The following CSMD1 variants were observed in gnomAD, a reference collection of about 807,000 sequenced individuals.
The protein encoded by CSMD1 is CUB and sushi domain-containing protein 1.
CSMD1 carries 213 observed loss-of-function variants against 417.5 expected under a neutral mutation model. The observed-to-expected ratio is 0.51, with a 90% CI of 0.46 to 0.57. The LOEUF (loss-of-function observed/expected upper bound fraction) is 0.57, where lower values mean the gene tolerates loss of function less well. Ranked by LOEUF, CSMD1 falls within the 20% of genes least tolerant of loss-of-function variation. CSMD1 has a pLI of 0.00. For synonymous variants in CSMD1, 2,862 were observed against 1,736.8 expected (o/e 1.65, Z -16.11); for missense variants, 6,923 against 4,529.7 (o/e 1.53, Z -15.17).
chr8:4,757,864 C>A (rs10088354), intron 1 of CSMD1, among the ~76,000 whole-genome samples: 1,863 of 147,442 alleles, frequency 0.013, 28 homozygotes, highest in African/African-American at 0.044. Flanking sequence ...GAAGCTGAGG[C>A]AGAAGAATCG....
At chr8:4,895,450 T>C (rs1419952372) in intron 1 of CSMD1, among the ~76,000 whole-genome samples, 1 of 152,162 alleles carries the variant, frequency 6.6e-6, no homozygotes, top group Non-Finnish European at 1.5e-5. Flanking sequence ...ATATCAACAT[T>C]GTTATTCTGC....
intron 5 of CSMD1, among the ~76,000 whole-genome samples, chr8:3,923,124 T>G (rs1335583025): frequency 6.6e-6 from 1 of 152,084 alleles, no homozygotes; most frequent in African/African-American, 2.4e-5. Flanking sequence ...AACAACTCAT[T>G]AAAAGAGAGC....
chr8:4,222,050 AT>A (rs869074470), intron 3 of CSMD1, among the ~76,000 whole-genome samples: 1 of 14,330 alleles, frequency 7.0e-5, no homozygotes, highest in Non-Finnish European at 2.2e-4. Flanking sequence ...ATGAGAAGAC[AT>A]CAAAGGCCAT....
At chr8:4,895,227 A>G (rs116315169) in intron 1 of CSMD1, among the ~76,000 whole-genome samples, 2 of 152,290 alleles carry the variant, frequency 1.3e-5, no homozygotes, top group Middle Eastern at 3.4e-3. Context: ...CAACTAAGAC[A>G]ACCTGAATCA....
At chr8:4,280,797 T>G (rs576092058) in intron 3 of CSMD1, among the ~76,000 whole-genome samples, 1 of 152,224 alleles carries the variant, frequency 6.6e-6, no homozygotes, top group Non-Finnish European at 1.5e-5. Context: ...TTTGAACGTA[T>G]GTTAAAATTT....
At chr8:3,556,768 C>T (rs1042689336) in intron 10 of CSMD1, among the ~76,000 whole-genome samples, 1 of 152,104 alleles carries the variant, frequency 6.6e-6, no homozygotes, top group Non-Finnish European at 1.5e-5. Context: ...CCTAGCTGCT[C>T]AGCCTCTGAT....
At chr8:3,328,808 T>TG (rs1427745654) in intron 23 of CSMD1, among the ~76,000 whole-genome samples, 1 of 152,342 alleles carries the variant, frequency 6.6e-6, no homozygotes, top group Admixed American at 6.5e-5. Flanking sequence ...TAAATTAAAT[T>TG]GGGGAATTAG....
At chr8:4,154,544 C>G (rs552786024) in intron 3 of CSMD1, among the ~76,000 whole-genome samples, 1 of 152,256 alleles carries the variant, frequency 6.6e-6, no homozygotes, top group South Asian at 2.1e-4. Context: ...GAAGCCAGGA[C>G]ACTATGCTTC....
At chr8:4,667,784 G>T (rs1457334781) in intron 1 of CSMD1, among the ~76,000 whole-genome samples, 4 of 152,050 alleles carry the variant, frequency 2.6e-5, no homozygotes. Context: ...TTTCTACATA[G>T]ACTACGTCCT....
chr8:3,151,333 T>C (rs1819180514), intron 40 of CSMD1, 64 bp downstream of exon 40: 1 of 1,036,562 alleles, frequency 9.6e-7, no homozygotes, highest in Admixed American at 2.0e-5. Flanking sequence ...TTATTCTGCT[T>C]AATTCTTTCC....
intron 10 of CSMD1, among the ~76,000 whole-genome samples, chr8:3,524,740 CGA>C (rs1251043850): frequency 6.8e-6 from 1 of 147,900 alleles, no homozygotes; most frequent in Non-Finnish European, 1.5e-5. Context: ...ACATGCACAC[CGA>C]GACATGTGCA....
chr8:4,844,807 T>C lies in CSMD1; in HGVS notation c.85+149525A>G, dbSNP rs552310871. Among the ~76,000 whole-genome samples, 30 of 152,284 alleles carry C rather than the reference T, an allele frequency of 2.0e-4. 1 individual carries two copies. Among genetic ancestry groups the C allele is most frequent in the African/African-American group, 7.0e-4 (29 of 41,576 alleles). On this transcript the variant is annotated intron_variant, in intron 1 of 69. Coordinates refer to ENST00000635120, the MANE Select transcript of CSMD1 (RefSeq NM_033225.6). ...TCACTAACTGACAAAAGTTTTCTCATTCACGGGACAATCCAAACCAGCCTT... is the reference window on the plus strand; with the variant it reads ...TCACTAACTGACAAAAGTTTTCTCACTCACGGGACAATCCAAACCAGCCTT...
intron 5 of CSMD1, among the ~76,000 whole-genome samples, chr8:3,985,243 C>T (rs1024557337): frequency 2.0e-4 from 31 of 152,058 alleles, no homozygotes; most frequent in African/African-American, 7.2e-4. Context: ...AATTGAAGTC[C>T]CATTTCATGC....
chr8:4,548,020 A>G (rs1176300144), intron 2 of CSMD1, among the ~76,000 whole-genome samples: 2 of 152,148 alleles, frequency 1.3e-5, no homozygotes, highest in Admixed American at 6.5e-5. Flanking sequence ...TACTCCCTTT[A>G]AAAAACATTG....
intron 1 of CSMD1, among the ~76,000 whole-genome samples, chr8:4,746,710 G>A (rs1165017283): frequency 5.3e-5 from 8 of 152,106 alleles, no homozygotes; most frequent in African/African-American, 2.4e-5. Flanking sequence ...AGCTGCTGGG[G>A]CTAATCCACA....
intron 4 of CSMD1, among the ~76,000 whole-genome samples, chr8:3,999,239 G>C (rs1815468151): frequency 1.3e-5 from 2 of 151,670 alleles, no homozygotes; most frequent in Admixed American, 6.6e-5. Flanking sequence ...CTGCAATGTG[G>C]ATGATATGTA....
intron 5 of CSMD1, among the ~76,000 whole-genome samples, chr8:3,962,983 C>A (rs763348877): frequency 1.3e-5 from 2 of 152,146 alleles, no homozygotes; most frequent in Non-Finnish European, 2.9e-5. Flanking sequence ...GTCACCCAGG[C>A]TGGAGTGCGG....
chr8:3,026,473 G>C (rs1398438404), intron 51 of CSMD1, among the ~76,000 whole-genome samples: 1 of 151,368 alleles, frequency 6.6e-6, no homozygotes, highest in Non-Finnish European at 1.5e-5. Flanking sequence ...GACTTCACTG[G>C]ACCTCACTGG....
intron 2 of CSMD1, among the ~76,000 whole-genome samples, chr8:4,455,992 T>G (rs1206117874): frequency 3.4e-5 from 1 of 29,492 alleles, no homozygotes; most frequent in African/African-American, 1.2e-4. Context: ...AGACAAACAA[T>G]AAATTGCTTA....
Sources: gnomAD v4.1 joint callset for allele counts (sites outside exome capture counted in the v4.1 genomes callset) on GRCh38, gnomAD v4.1.1 for gene constraint, MANE v1.5 for transcripts, NCBI Gene and HGNC (gene_info 2026-07-23, HGNC 2026-07-21) for gene names.